Variants in SLC7A2 observed in about 807,000 individuals in gnomAD.
The protein encoded by SLC7A2 is cationic amino acid transporter 2.
SLC7A2 carries 48 observed loss-of-function variants against 58.9 expected under a neutral mutation model. That is an observed-to-expected ratio of 0.82 (90% CI 0.65 to 1.04). The LOEUF is 1.04. Among genes scored for constraint, SLC7A2 ranks in the 50% least tolerant of loss-of-function variants. The probability of loss-of-function intolerance (pLI) is 0.00; values close to 1 mark genes in which losing one functional copy is unlikely to be tolerated. For missense variants in SLC7A2, 1,029 were observed against 818.8 expected, an observed-to-expected ratio of 1.26 and a Z score of -3.13; for synonymous variants, 363 against 314.5, an observed-to-expected ratio of 1.15 and a Z score of -1.63.
chr8:17,549,075 G>T (rs1213379834), intron 5 of SLC7A2, among the ~76,000 whole-genome samples: 2 of 152,134 alleles, frequency 1.3e-5, no homozygotes, highest in Non-Finnish European at 2.9e-5. Flanking sequence ...GAGAACTTGT[G>T]CAGGGAAACT....
chr8:17,515,304 T>C (rs1363027650), intron 2 of SLC7A2, among the ~76,000 whole-genome samples: 5 of 151,982 alleles, frequency 3.3e-5, no homozygotes, highest in Non-Finnish European at 5.9e-5. Context: ...TTTTTCTTTT[T>C]TTTTTTTTTT....
intron 2 of SLC7A2, among the ~76,000 whole-genome samples, chr8:17,515,460 T>C (rs1416267777): frequency 6.6e-6 from 1 of 152,138 alleles, no homozygotes; most frequent in Admixed American, 6.5e-5. Flanking sequence ...CACACCCAGC[T>C]AATTTTTGTA....
At chr8:17,498,792 A>G (rs984767483) in intron 1 of SLC7A2, 1 of 152,232 alleles carries the variant, frequency 6.6e-6, no homozygotes, top group Non-Finnish European at 1.5e-5. Flanking sequence ...AGCAGTGGGC[A>G]TAGCTCTTTT....
Position 17,568,355 on chromosome 8 carries a change from A to G in SLC7A2, c.*3209A>G, listed in dbSNP as rs1490495958. ...AAACTATGAGGAAAACTTATATTAGAACTTTTGATATATACTAAAATACTG... is the reference window on the plus strand; with the variant it reads ...AAACTATGAGGAAAACTTATATTAGGACTTTTGATATATACTAAAATACTG... On this transcript the variant is annotated 3_prime_UTR_variant, in exon 13 of 13. Transcript: ENST00000494857. 6.6e-6 allele frequency: 1 copy of G among 152,124 alleles called. No individual in the cohort carries two copies. Among genetic ancestry groups the G allele is most frequent in the Admixed American group, 6.5e-5 (1 of 15,272 alleles). 9.4% of individuals were successfully genotyped at this position (152,124 alleles called of 1,614,324 possible).
intron 5 of SLC7A2, among the ~76,000 whole-genome samples, chr8:17,549,190 C>T (rs1055702977): frequency 6.6e-6 from 1 of 152,184 alleles, no homozygotes; most frequent in African/African-American, 2.4e-5. Context: ...TGGGTCCCTG[C>T]CACAACACAT....
chr8:17,548,717 A>G lies in SLC7A2; in HGVS notation c.572A>G (p.Asn191Ser). The change falls in exon 5 of 13, where the codon AAT becomes AGT. Residue 191 changes from asparagine to serine, a missense_variant. Physicochemically the swap from Asn to Ser is conservative, Grantham distance 46. Transcript: ENST00000494857. ...GGAGTAAAAGAGTCTGCTTGGGTGA[A>G]TAAAGTCTTCACAGCTGTTAATATT... is the stretch of plus-strand genomic sequence containing the variant. Reference protein sequence around the residue: ...SFGVKESAWVNKVFTAVNILV... With the variant: ...SFGVKESAWVSKVFTAVNILV... 1.9e-6 allele frequency: 3 copies of G among 1,613,304 alleles called. No individual in the cohort carries two copies. The highest frequency in any genetic ancestry group is 2.5e-6 in the Non-Finnish European group (3 of 1,179,656).
At chr8:17,509,896 C>T (rs1375919412) in intron 2 of SLC7A2, among the ~76,000 whole-genome samples, 2 of 151,924 alleles carry the variant, frequency 1.3e-5, no homozygotes, top group African/African-American at 4.8e-5. Flanking sequence ...ACTGTATCTA[C>T]CTATTTTTCA....
rs779302746 is a variant in SLC7A2 at position 17,543,320 on chromosome 8, C to T, written c.-20C>T. On this transcript the variant is annotated splice_region_variant and 5_prime_UTR_variant, in exon 3 of 13. Coordinates refer to ENST00000494857, the MANE Select transcript of SLC7A2 (RefSeq NM_001370338.1). ...CTAACCTCCTCCCTTCTGCTCAGGTCGCCTTCGTCAGACGTCAGAATGATT... is the reference window on the plus strand; with the variant it reads ...CTAACCTCCTCCCTTCTGCTCAGGTTGCCTTCGTCAGACGTCAGAATGATT... The T allele has an allele frequency of 1.1e-5, 18 of 1,598,008 alleles. No individual in the cohort carries two copies. The highest frequency in any genetic ancestry group is 1.4e-5 in the Non-Finnish European group (17 of 1,172,548).
intron 2 of SLC7A2, among the ~76,000 whole-genome samples, chr8:17,514,006 A>G (rs902613647): frequency 6.6e-6 from 1 of 152,154 alleles, no homozygotes; most frequent in Non-Finnish European, 1.5e-5. Flanking sequence ...AATCTGGGTA[A>G]ATTTGAACTG....
rs1293138765 is a variant in SLC7A2 at position 17,560,358 on chromosome 8, C to A, written c.1329C>A (p.Pro443=). The change falls in exon 10 of 13, where the codon CCC becomes CCA. Residue 443 remains proline, a synonymous_variant. Coordinates refer to ENST00000494857, the MANE Select transcript of SLC7A2 (RefSeq NM_001370338.1). ...AGCCTGGCTTATCTTACGACCAGCC[C>A]AAATGTTCTCCTGAGAAAGATGGTC... ...RYQPGLSYDQ[P]KCSPEKDGLG... 6.2e-7 allele frequency: 1 copy of A among 1,614,058 alleles called. No homozygotes were observed. Among genetic ancestry groups the A allele is most frequent in the African/African-American group, 1.3e-5 (1 of 75,008 alleles).
At chr8:17,513,314 T>A (rs1031227827) in intron 2 of SLC7A2, among the ~76,000 whole-genome samples, 1 of 152,160 alleles carries the variant, frequency 6.6e-6, no homozygotes, top group Non-Finnish European at 1.5e-5. Context: ...CAATACATGT[T>A]ATTTTCTGGG....
intron 2 of SLC7A2, among the ~76,000 whole-genome samples, chr8:17,517,170 T>G (rs879292361): frequency 2.6e-5 from 4 of 152,196 alleles, no homozygotes; most frequent in Non-Finnish European, 4.4e-5. Flanking sequence ...AATGTTGACT[T>G]TAACTGACTT....
chr8:17,553,719 A>G (rs1802557063), intron 7 of SLC7A2, among the ~76,000 whole-genome samples: 3 of 152,226 alleles, frequency 2.0e-5, no homozygotes, highest in African/African-American at 7.2e-5. Context: ...TTGAGGGCAC[A>G]GTGAGCTATG....
intron 2 of SLC7A2, among the ~76,000 whole-genome samples, chr8:17,516,840 TTGAG>T (rs1800824373): frequency 6.6e-6 from 1 of 152,204 alleles, no homozygotes; most frequent in Non-Finnish European, 1.5e-5. Flanking sequence ...CAGGAAATAT[TTGAG>T]TATCTGCCAT....
At chr8:17,532,817 T>A (rs747670738) in intron 2 of SLC7A2, among the ~76,000 whole-genome samples, 3 of 152,186 alleles carry the variant, frequency 2.0e-5, no homozygotes, top group South Asian at 4.1e-4. Flanking sequence ...GCAAAAATTT[T>A]AAAAATATAT....
intron 8 of SLC7A2, among the ~76,000 whole-genome samples, chr8:17,557,505 A>C (rs545494366): frequency 1.3e-5 from 2 of 152,226 alleles, no homozygotes; most frequent in East Asian, 3.9e-4. Context: ...ATTGAAAGTT[A>C]TTTTACTTTA....
chr8:17,550,635 T>C (rs1051588550), intron 6 of SLC7A2, among the ~76,000 whole-genome samples: 57 of 152,244 alleles, frequency 3.7e-4, no homozygotes, highest in African/African-American at 1.2e-3. Context: ...GTTAGTAAGT[T>C]TGGGAGAGCA....
At chr8:17,501,112 C>G (rs1300603023) in intron 1 of SLC7A2, among the ~76,000 whole-genome samples, 2 of 151,770 alleles carry the variant, frequency 1.3e-5, no homozygotes, top group African/African-American at 4.8e-5. Flanking sequence ...CTCGTGGGTT[C>G]AAGCAGTTCT....
At position 17,548,442 on chromosome 8, in the gene SLC7A2, G is replaced by A. The variant is rs192617414; in HGVS notation, c.533-236G>A. On this transcript the variant is annotated intron_variant, in intron 4 of 12. Coordinates refer to ENST00000494857, the MANE Select transcript of SLC7A2 (RefSeq NM_001370338.1). ...AAAGTTACTAGATTTATGTTTCTTA[G>A]AAAGTGTAGTGTCTTCTATGAGCAT... 2.4e-3 allele frequency among the ~76,000 whole-genome samples: 360 copies of A among 152,334 alleles called. 1 individual carries two copies. The highest frequency in any genetic ancestry group is 5.1e-3 in the Admixed American group (78 of 15,298).
Sources: gnomAD v4.1 joint callset for allele counts (sites outside exome capture counted in the v4.1 genomes callset) on GRCh38, gnomAD v4.1.1 for gene constraint, MANE v1.5 for transcripts, NCBI Gene and HGNC (gene_info 2026-07-23, HGNC 2026-07-21) for gene names.